NALF1: variants seen among roughly 807,000 people sequenced by gnomAD.
NALF1 encodes the protein family with sequence similarity 155 member A.
In NALF1, 3 loss-of-function variants were observed where a neutral mutation model predicts 48.4. The observed-to-expected ratio is 0.06, with a 90% CI of 0.03 to 0.16. The LOEUF is 0.16. Among genes scored for constraint, NALF1 ranks in the 10% least tolerant of loss-of-function variants. The pLI is 1.00. For synonymous variants in NALF1, 262 were observed against 245.7 expected, an observed-to-expected ratio of 1.07 and a Z score of -0.62; for missense variants, 526 against 571.5, an observed-to-expected ratio of 0.92 and a Z score of 0.81.
intron 1 of NALF1, among the ~76,000 whole-genome samples, chr13:107,561,289 C>T (rs1422687834): frequency 6.6e-6 from 1 of 152,142 alleles, no homozygotes; most frequent in African/African-American, 2.4e-5. Context: ...TGCCATGTCA[C>T]CTTCGTCTCC....
intron 1 of NALF1, among the ~76,000 whole-genome samples, chr13:107,563,444 G>C (rs1253468622): frequency 6.6e-6 from 1 of 152,198 alleles, no homozygotes; most frequent in Non-Finnish European, 1.5e-5. Flanking sequence ...CTTGAGATGG[G>C]AATCTGCATT....
At chr13:107,499,791 C>T (rs1040163789) in intron 1 of NALF1, among the ~76,000 whole-genome samples, 1 of 151,850 alleles carries the variant, frequency 6.6e-6, no homozygotes, top group Non-Finnish European at 1.5e-5. Context: ...TTTATGAGTA[C>T]GTATTGTCTC....
intron 1 of NALF1, among the ~76,000 whole-genome samples, chr13:107,233,492 C>T (rs947472491): frequency 1.2e-4 from 18 of 152,182 alleles, no homozygotes; most frequent in Non-Finnish European, 1.9e-4. Context: ...CTCAATAATT[C>T]TTTATCCATC....
At chr13:107,718,037 C>T (rs1157611529) in intron 1 of NALF1, among the ~76,000 whole-genome samples, 4 of 152,124 alleles carry the variant, frequency 2.6e-5, no homozygotes, top group Admixed American at 2.6e-4. Context: ...CTTTTGGTTC[C>T]TACATTCTGG....
intron 1 of NALF1, among the ~76,000 whole-genome samples, chr13:107,597,827 A>C (rs576964580): frequency 4.6e-5 from 7 of 152,304 alleles, no homozygotes; most frequent in Admixed American, 3.9e-4. Context: ...TATCCACAAC[A>C]TTATGTAGAA....
intron 1 of NALF1, among the ~76,000 whole-genome samples, chr13:107,378,393 CAT>C (rs34354646): frequency 0.45 from 67,108 of 148,430 alleles, 15,209 homozygotes; most frequent in Middle Eastern, 0.5. Flanking sequence ...TTTGGAGAGA[CAT>C]ATATATATAT....
chr13:107,330,335 A>T (rs1882445835), intron 1 of NALF1, among the ~76,000 whole-genome samples: 1 of 152,360 alleles, frequency 6.6e-6, no homozygotes, highest in Non-Finnish European at 1.5e-5. Flanking sequence ...CATTGTCTCC[A>T]TTATACGTAA....
At chr13:107,320,132 T>A (rs918437909) in intron 1 of NALF1, among the ~76,000 whole-genome samples, 1 of 152,112 alleles carries the variant, frequency 6.6e-6, no homozygotes, top group African/African-American at 2.4e-5. Context: ...TTGCTAATTG[T>A]ATGACATATA....
intron 1 of NALF1, among the ~76,000 whole-genome samples, chr13:107,540,793 T>C (rs1862254638): frequency 6.6e-6 from 1 of 152,064 alleles, no homozygotes; most frequent in Non-Finnish European, 1.5e-5. Flanking sequence ...ATGTATACAT[T>C]GGCCAAAAAA....
At chr13:107,236,410 A>G (rs1880342909) in intron 1 of NALF1, among the ~76,000 whole-genome samples, 1 of 152,128 alleles carries the variant, frequency 6.6e-6, no homozygotes, top group Admixed American at 6.6e-5. Flanking sequence ...ACACTGTGCA[A>G]GGCTCCTTTT....
At chr13:107,243,205 C>T (rs937666092) in intron 1 of NALF1, among the ~76,000 whole-genome samples, 2 of 152,206 alleles carry the variant, frequency 1.3e-5, no homozygotes, top group African/African-American at 4.8e-5. Context: ...AAGTCTGCCG[C>T]TGCGTCTATT....
chr13:107,437,896 G>A (rs1884488845), intron 1 of NALF1, among the ~76,000 whole-genome samples: 1 of 152,278 alleles, frequency 6.6e-6, no homozygotes, highest in East Asian at 1.9e-4. Context: ...AGCAAATATT[G>A]ACCTTTGAAG....
At chr13:107,227,672 G>T (rs773073336) in intron 1 of NALF1, among the ~76,000 whole-genome samples, 5 of 152,176 alleles carry the variant, frequency 3.3e-5, no homozygotes, top group Non-Finnish European at 7.3e-5. Context: ...AGTTTTACAT[G>T]GTGAGATTGA....
At position 107,500,279 on chromosome 13, in the gene NALF1, A is replaced by T. The variant is rs773158203; in HGVS notation, c.916-289524T>A. On this transcript the variant is annotated intron_variant, in intron 1 of 2. Coordinates refer to ENST00000375915, the MANE Select transcript of NALF1 (RefSeq NM_001080396.3). ...ACTGGGTAACAAATAAAGAATAGAAATTTTTTTTTAATAGTTCTGGAGGTC... is the reference window on the plus strand; with the variant it reads ...ACTGGGTAACAAATAAAGAATAGAATTTTTTTTTTAATAGTTCTGGAGGTC... Among the ~76,000 whole-genome samples, 142 of 151,838 alleles carry T rather than the reference A, an allele frequency of 9.4e-4. 2 individuals carry two copies. Among genetic ancestry groups the T allele is most frequent in the Non-Finnish European group, 1.5e-3 (105 of 67,974 alleles).
intron 1 of NALF1, among the ~76,000 whole-genome samples, chr13:107,524,582 T>C (rs1876364837): frequency 6.6e-6 from 1 of 152,006 alleles, no homozygotes; most frequent in Non-Finnish European, 1.5e-5. Flanking sequence ...GGGATGATTT[T>C]TAAAGCAGAA....
At chr13:107,728,695 AAAATAAATAAAT>A (rs34497886) in intron 1 of NALF1, among the ~76,000 whole-genome samples, 1 of 148,282 alleles carries the variant, frequency 6.7e-6, no homozygotes, top group Admixed American at 6.7e-5. Flanking sequence ...AACTTAAAGT[AAAATAAATAAAT>A]AAATAAATAA....
In NALF1 at chr13:107,520,179, T is replaced by TA. The variant is rs1020401023; in HGVS notation, c.916-309425dup. Among the ~76,000 whole-genome samples, 3 of 152,170 alleles carry TA rather than the reference T, an allele frequency of 2.0e-5. 1 individual carries two copies. Among genetic ancestry groups the TA allele is most frequent in the African/African-American group, 7.2e-5 (3 of 41,448 alleles). On this transcript the variant is annotated intron_variant, in intron 1 of 2. Transcript: ENST00000375915. The stretch of plus-strand genomic sequence containing the variant: ...TTGTTTTTGGGGGTTCAGAGAAATA[T>TA]AATTGTTTTCTATATGTATAAGAAA...
intron 1 of NALF1, among the ~76,000 whole-genome samples, chr13:107,299,572 G>T (rs1335545697): frequency 6.6e-6 from 1 of 151,186 alleles, no homozygotes; most frequent in African/African-American, 2.4e-5. Flanking sequence ...TTGATAAGTG[G>T]ATCTTTCCTG....
chr13:107,237,600 T>C lies in NALF1; in HGVS notation c.916-26845A>G, dbSNP rs147910088. The stretch of plus-strand genomic sequence containing the variant: ...AATACCTAATACAATGTAAATGCTA[T>C]GTCATTAGATGTTACACTATATTGT... On this transcript the variant is annotated intron_variant, in intron 1 of 2. Coordinates refer to ENST00000375915, the MANE Select transcript of NALF1 (RefSeq NM_001080396.3). Among the ~76,000 whole-genome samples, 33 of 152,320 alleles carry C rather than the reference T, an allele frequency of 2.2e-4. 1 individual carries two copies. Among genetic ancestry groups the C allele is most frequent in the African/African-American group, 7.9e-4 (33 of 41,582 alleles).
Sources: gnomAD v4.1 joint callset for allele counts (sites outside exome capture counted in the v4.1 genomes callset) on GRCh38, gnomAD v4.1.1 for gene constraint, MANE v1.5 for transcripts, NCBI Gene and HGNC (gene_info 2026-07-23, HGNC 2026-07-21) for gene names.